Variants in IL17RD observed in about 807,000 individuals in gnomAD.
IL17RD encodes interleukin-17 receptor D.
Under a neutral mutation model 80.5 loss-of-function variants are expected in IL17RD, and 52 were observed. That is an observed-to-expected ratio of 0.65 (90% CI 0.52 to 0.81). The LOEUF (loss-of-function observed/expected upper bound fraction) is 0.81. Among genes scored for constraint, IL17RD ranks in the 40% least tolerant of loss-of-function variants. IL17RD has a pLI of 0.00. For missense variants in IL17RD, 1,024 were observed against 955.1 expected, an observed-to-expected ratio of 1.07 and a Z score of -0.95; for synonymous variants, 416 against 391.8, an observed-to-expected ratio of 1.06 and a Z score of -0.73.
intron 1 of IL17RD, among the ~76,000 whole-genome samples, chr3:57,146,011 G>T (rs1024242144): frequency 1.3e-5 from 2 of 149,182 alleles, no homozygotes; most frequent in East Asian, 4.0e-4. Context: ...TGGGGAAAGC[G>T]TGCGCGCACA....
intron 1 of IL17RD, among the ~76,000 whole-genome samples, chr3:57,154,639 G>A (rs1034834043): frequency 3.9e-5 from 6 of 152,014 alleles, no homozygotes; most frequent in East Asian, 1.9e-4. Flanking sequence ...AATGAGAGGC[G>A]GCCTGTCCAT....
chr3:57,109,931 T>A (rs7618704), intron 4 of IL17RD, among the ~76,000 whole-genome samples: 5 of 152,172 alleles, frequency 3.3e-5, no homozygotes, highest in African/African-American at 1.2e-4. Context: ...TGAGCCCACA[T>A]ACACTCTTTG....
Position 57,098,295 on chromosome 3 carries a change from C to A in IL17RD, c.1408G>T (p.Ala470Ser), listed in dbSNP as rs770716213. 1.5e-5 allele frequency: 24 copies of A among 1,613,898 alleles called. No homozygotes were observed. The South Asian group carries it at 2.5e-4, about 17-fold the overall frequency. Reference sequence around the variant, plus strand: ...ACGGCGATAAACTTGCTGAGCGCCGCGGACGAACTCTGCTTGGCCTGGCGG... The same window carrying A: ...ACGGCGATAAACTTGCTGAGCGCCGAGGACGAACTCTGCTTGGCCTGGCGG... ...KLRQAKQSSS[A>S]ALSKFIAVYF... Residue 470 changes from alanine to serine, a missense_variant, in exon 12 of 13, where the codon GCG (alanine) becomes TCG (serine). Ala to Ser is a moderately conservative substitution (Grantham distance 99). Transcript: ENST00000296318.
At chr3:57,135,436 G>C (rs1579300391) in intron 1 of IL17RD, among the ~76,000 whole-genome samples, 1 of 152,158 alleles carries the variant, frequency 6.6e-6, no homozygotes, top group African/African-American at 2.4e-5. Flanking sequence ...TAGAACTGTA[G>C]GCTTTTCTTT....
intron 1 of IL17RD, among the ~76,000 whole-genome samples, chr3:57,152,351 T>C (rs1290157199): frequency 6.6e-6 from 1 of 152,212 alleles, no homozygotes; most frequent in Non-Finnish European, 1.5e-5. Context: ...ACTGTGGACT[T>C]GGTGCCAGAA....
At chr3:57,134,975 G>A (rs1707694187) in intron 1 of IL17RD, among the ~76,000 whole-genome samples, 1 of 152,086 alleles carries the variant, frequency 6.6e-6, no homozygotes, top group Non-Finnish European at 1.5e-5. Context: ...AGGTATGGTG[G>A]CATGCACCTG....
At chr3:57,120,434 C>T (rs982781323) in intron 1 of IL17RD, 121 bp from the exon 2 acceptor site, 7 of 695,382 alleles carry the variant, frequency 1.0e-5, no homozygotes, top group African/African-American at 1.8e-5. Context: ...AGTCCCCGGA[C>T]ATCATCCACC....
chr3:57,099,268 T>G (rs1033948624), intron 11 of IL17RD, among the ~76,000 whole-genome samples: 1 of 152,108 alleles, frequency 6.6e-6, no homozygotes, highest in African/African-American at 2.4e-5. Context: ...CAAGGCTACA[T>G]CTCTACAAGG....
Position 57,097,624 on chromosome 3 carries a change from C to T in IL17RD, c.2079G>A (p.Thr693=). 4 of 1,585,284 alleles carry T rather than the reference C, an allele frequency of 2.5e-6. No individual in the cohort carries two copies. The highest frequency in any genetic ancestry group is 4.6e-5 in the East Asian group (2 of 43,354). The change falls in exon 12 of 13, where the codon ACG becomes ACA. Residue 693 remains threonine (T), a synonymous_variant. Transcript: ENST00000296318. ...GGCCTGAAGAGGAGGACACGCTCTCCGTCAGGGAAGACGTTTCTGTCTGGT... is the reference window on the plus strand; with the variant it reads ...GGCCTGAAGAGGAGGACACGCTCTCTGTCAGGGAAGACGTTTCTGTCTGGT... ...STDQTETSSL[T]ESVSSSSGLG...
At chr3:57,144,770 C>A (rs755182798) in intron 1 of IL17RD, among the ~76,000 whole-genome samples, 5 of 152,230 alleles carry the variant, frequency 3.3e-5, no homozygotes, top group African/African-American at 4.8e-5. Context: ...GCAATGCCTG[C>A]ATGAGAGGCA....
At chr3:57,165,358 G>A (rs1394115690), upstream of IL17RD, 9 of 1,188,726 alleles carry the variant, frequency 7.6e-6, no homozygotes, top group Non-Finnish European at 4.2e-6. Flanking sequence ...CCGAGTGGGC[G>A]GTGGCCGCGG....
At chr3:57,120,453 T>C in intron 1 of IL17RD, 140 bp from the exon 2 acceptor site, 1 of 659,684 alleles carries the variant, frequency 1.5e-6, no homozygotes, top group Non-Finnish European at 2.7e-6. Context: ...CCACTCTTTC[T>C]GCCCGCTTCA....
upstream of IL17RD, among the ~76,000 whole-genome samples, chr3:57,167,416 G>T (rs1204727922): frequency 6.6e-6 from 1 of 152,114 alleles, no homozygotes; most frequent in Non-Finnish European, 1.5e-5. Context: ...TACTGTCCCT[G>T]GGTTGTTCTC....
intron 1 of IL17RD, among the ~76,000 whole-genome samples, chr3:57,161,370 T>G (rs551112813): frequency 6.6e-6 from 1 of 152,358 alleles, no homozygotes; most frequent in East Asian, 1.9e-4. Flanking sequence ...GATTGGACTT[T>G]TATCAGGAAC....
intron 1 of IL17RD, among the ~76,000 whole-genome samples, chr3:57,123,914 G>A (rs1559475357): frequency 6.6e-6 from 1 of 151,990 alleles, no homozygotes; most frequent in Admixed American, 6.6e-5. Flanking sequence ...GTGTAATGGC[G>A]GGCACCTGTA....
intron 1 of IL17RD, among the ~76,000 whole-genome samples, chr3:57,144,841 G>C (rs1707894787): frequency 6.6e-6 from 1 of 152,206 alleles, no homozygotes; most frequent in East Asian, 1.9e-4. Context: ...TTCAACCAGA[G>C]CTGCTGCACT....
chr3:57,102,475 A>G lies in IL17RD; in HGVS notation c.979+4T>C, dbSNP rs751341482. On this transcript the variant is annotated splice_donor_region_variant and intron_variant, in intron 10 of 12. Coordinates refer to ENST00000296318, the MANE Select transcript of IL17RD (RefSeq NM_017563.5). ...GTGGGGAGACACAGCACACAAAGAG[A>G]TACCTTGTTGCTTCTTGCGGCACAT... 25 of 1,507,056 alleles carry G rather than the reference A, an allele frequency of 1.7e-5. No homozygotes were observed. Among genetic ancestry groups the G allele is most frequent in the Non-Finnish European group, 2.2e-5 (24 of 1,098,768 alleles). 93.4% of individuals were successfully genotyped at this position (1,507,056 alleles called of 1,614,324 possible).
chr3:57,104,211 T>C (rs1706900185), intron 8 of IL17RD, 131 bp downstream of exon 8: 7 of 656,108 alleles, frequency 1.1e-5, no homozygotes, highest in South Asian at 9.5e-5. Context: ...AAAAGCATGT[T>C]AAGAACCATA....
intron 2 of IL17RD, among the ~76,000 whole-genome samples, chr3:57,119,822 G>A (rs1319208506): frequency 6.6e-6 from 1 of 152,206 alleles, no homozygotes; most frequent in Non-Finnish European, 1.5e-5. Context: ...TACCTTCAGT[G>A]GGAATTCCTC....
Sources: gnomAD v4.1 joint callset for allele counts (sites outside exome capture counted in the v4.1 genomes callset) on GRCh38, gnomAD v4.1.1 for gene constraint, MANE v1.5 for transcripts, NCBI Gene and HGNC (gene_info 2026-07-23, HGNC 2026-07-21) for gene names.